PTPRD: variants seen among roughly 807,000 people sequenced by gnomAD.
The protein encoded by PTPRD is receptor-type tyrosine-protein phosphatase delta.
In PTPRD, 34 loss-of-function variants were observed where a neutral mutation model predicts 214.5. The observed-to-expected ratio is 0.16, with a 90% confidence interval of 0.12 to 0.21. The LOEUF is 0.21. Ranked by LOEUF, PTPRD falls within the 10% of genes least tolerant of loss-of-function variation. The probability of loss-of-function intolerance (pLI) is 1.00; values close to 1 mark genes in which losing one functional copy is unlikely to be tolerated. For missense variants in PTPRD, 2,545 were observed against 2,398.7 expected (o/e 1.06, Z -1.27); for synonymous variants, 1,128 against 845.7 (o/e 1.33, Z -5.79).
chr9:9,842,780 A>G (rs1165538194), intron 5 of PTPRD, among the ~76,000 whole-genome samples: 1 of 151,824 alleles, frequency 6.6e-6, no homozygotes, highest in Non-Finnish European at 1.5e-5. Flanking sequence ...CACAGTCCAC[A>G]TGATGTGGAA....
intron 7 of PTPRD, among the ~76,000 whole-genome samples, chr9:9,690,872 AG>A (rs2097258228): frequency 9.7e-6 from 1 of 103,444 alleles, no homozygotes; most frequent in African/African-American, 3.8e-5. Context: ...ATGGCTTTGT[AG>A]TATATTTTGA....
intron 5 of PTPRD, among the ~76,000 whole-genome samples, chr9:9,805,496 T>C (rs10977997): frequency 0.088 from 13,393 of 152,160 alleles, 1,759 homozygotes; most frequent in East Asian, 0.63. Context: ...ACAGATCCAA[T>C]GTAAATATTT....
At chr9:8,534,580 T>G (rs933644381) in intron 14 of PTPRD, among the ~76,000 whole-genome samples, 3 of 151,170 alleles carry the variant, frequency 2.0e-5, no homozygotes, top group African/African-American at 7.3e-5. Flanking sequence ...ACAAGAAAAA[T>G]GATAGACGAG....
chr9:9,241,688 G>A (rs199842686), intron 9 of PTPRD, among the ~76,000 whole-genome samples: 8 of 151,010 alleles, frequency 5.3e-5, no homozygotes, highest in African/African-American at 7.3e-5. Context: ...TTTGTTTTCC[G>A]TTTGCTTGGT....
chr9:9,311,686 G>T (rs559167832), intron 9 of PTPRD, among the ~76,000 whole-genome samples: 3 of 151,988 alleles, frequency 2.0e-5, no homozygotes, highest in Admixed American at 6.6e-5. Flanking sequence ...CAACCAAATC[G>T]TTCCTTAATC....
At chr9:10,419,416 T>A (rs528751405) in intron 2 of PTPRD, among the ~76,000 whole-genome samples, 1 of 151,756 alleles carries the variant, frequency 6.6e-6, no homozygotes, top group East Asian at 2.0e-4. Context: ...TACCTAAAAC[T>A]CTATTTTATA....
At chr9:10,202,671 GATATATATATATATATAT>G (rs77962535) in intron 3 of PTPRD, among the ~76,000 whole-genome samples, 13 of 113,114 alleles carry the variant, frequency 1.1e-4, no homozygotes, top group African/African-American at 3.9e-4. Flanking sequence ...AAATTATATG[GATATATATATATATATAT>G]ATATATATAT....
intron 3 of PTPRD, among the ~76,000 whole-genome samples, chr9:10,243,095 A>G (rs2091429925): frequency 6.6e-6 from 1 of 152,018 alleles, no homozygotes. Flanking sequence ...GTCCCTTTGC[A>G]CTTTATGGAC....
chr9:8,928,119 T>G (rs556927076), intron 11 of PTPRD, among the ~76,000 whole-genome samples: 1 of 152,306 alleles, frequency 6.6e-6, no homozygotes, highest in South Asian at 2.1e-4. Context: ...GTCAGATGGA[T>G]AGATTGCAAA....
intron 11 of PTPRD, among the ~76,000 whole-genome samples, chr9:8,782,432 A>G (rs970699078): frequency 2.0e-5 from 3 of 152,132 alleles, no homozygotes; most frequent in East Asian, 1.9e-4. Flanking sequence ...TGTGCAATAC[A>G]TCTCCTGAAC....
intron 3 of PTPRD, among the ~76,000 whole-genome samples, chr9:10,312,229 T>C (rs1189922856): frequency 1.3e-5 from 2 of 151,976 alleles, no homozygotes; most frequent in Admixed American, 6.6e-5. Flanking sequence ...AGTGCCAACA[T>C]TGGAATAAAA....
At chr9:9,961,791 A>G (rs141237914) in intron 4 of PTPRD, among the ~76,000 whole-genome samples, 5 of 152,268 alleles carry the variant, frequency 3.3e-5, no homozygotes, top group African/African-American at 1.2e-4. Context: ...TGTAACTACA[A>G]TAAAATCTAG....
chr9:8,636,262 G>A (rs1248000195), intron 13 of PTPRD, among the ~76,000 whole-genome samples: 1 of 152,132 alleles, frequency 6.6e-6, no homozygotes, highest in Non-Finnish European at 1.5e-5. Context: ...CCAGAACAGA[G>A]GTAGATTCTG....
intron 3 of PTPRD, among the ~76,000 whole-genome samples, chr9:10,055,228 G>A (rs762150844): frequency 6.6e-6 from 1 of 152,106 alleles, no homozygotes; most frequent in African/African-American, 2.4e-5. Context: ...TGCTGACCAA[G>A]ACACTTGCCT....
At chr9:9,188,219 T>C (rs1198958373) in intron 9 of PTPRD, among the ~76,000 whole-genome samples, 1 of 152,122 alleles carries the variant, frequency 6.6e-6, no homozygotes, top group African/African-American at 2.4e-5. Context: ...GCTACATTCA[T>C]GTTGTAATTT....
At chr9:9,790,411 T>C (rs1344337702) in intron 5 of PTPRD, among the ~76,000 whole-genome samples, 11 of 152,218 alleles carry the variant, frequency 7.2e-5, no homozygotes, top group Admixed American at 7.2e-4. Flanking sequence ...TATTGTTTTC[T>C]CTATGAAATC....
chr9:9,322,522 A>G (rs7036695), intron 9 of PTPRD, among the ~76,000 whole-genome samples: 112,841 of 152,032 alleles, frequency 0.74, 42,149 homozygotes, highest in East Asian at 0.94. Context: ...TCATATACCT[A>G]GGTTTATGTA....
At chr9:10,112,367 A>C (rs1401646966) in intron 3 of PTPRD, among the ~76,000 whole-genome samples, 1 of 152,240 alleles carries the variant, frequency 6.6e-6, no homozygotes, top group Non-Finnish European at 1.5e-5. Context: ...CCTTGCCAAA[A>C]ACAAATGGGC....
intron 2 of PTPRD, among the ~76,000 whole-genome samples, chr9:10,587,447 A>G (rs1205394119): frequency 6.6e-6 from 1 of 152,098 alleles, no homozygotes; most frequent in Non-Finnish European, 1.5e-5. Flanking sequence ...TCCATATCAT[A>G]AGAGTGAAAA....
Sources: allele counts gnomAD v4.1 joint callset (sites outside exome capture counted in the v4.1 genomes callset), GRCh38; gene constraint gnomAD v4.1.1; transcripts MANE v1.5; gene names NCBI Gene and HGNC (gene_info 2026-07-23, HGNC 2026-07-21).